MTMR12: variants seen among roughly 807,000 people sequenced by gnomAD.
MTMR12 encodes the protein myotubularin-related protein 12.
MTMR12 carries 33 observed loss-of-function variants against 96.7 expected under a neutral mutation model. The ratio of observed to expected loss-of-function variants is 0.34; its 90% CI spans 0.26 to 0.46. The LOEUF (loss-of-function observed/expected upper bound fraction) is 0.46. Ranked by LOEUF, MTMR12 falls within the 20% of genes least tolerant of loss-of-function variation. MTMR12 has a pLI of 1.00. For missense variants in MTMR12, 721 were observed against 896.1 expected (o/e 0.80, Z 2.49); for synonymous variants, 298 against 327.2 (o/e 0.91, Z 0.96).
chr5:32,251,751 C>A (rs929784970), intron 8 of MTMR12, among the ~76,000 whole-genome samples: 3 of 152,228 alleles, frequency 2.0e-5, no homozygotes, highest in Non-Finnish European at 2.9e-5. Flanking sequence ...AGGGAAGGCC[C>A]ATGGAACGGG....
At chr5:32,309,244 G>A (rs1000569169) in intron 1 of MTMR12, among the ~76,000 whole-genome samples, 6 of 152,200 alleles carry the variant, frequency 3.9e-5, no homozygotes, top group Non-Finnish European at 7.3e-5. Flanking sequence ...CTTTCCACTT[G>A]TAGTTTAATT....
intron 1 of MTMR12, among the ~76,000 whole-genome samples, chr5:32,281,571 T>C (rs1357702113): frequency 6.6e-6 from 1 of 152,170 alleles, no homozygotes; most frequent in East Asian, 1.9e-4. Flanking sequence ...TTGAACCCTC[T>C]GCAAGACCAA....
At chr5:32,252,402 T>C (rs771590935) in intron 8 of MTMR12, among the ~76,000 whole-genome samples, 7 of 152,242 alleles carry the variant, frequency 4.6e-5, no homozygotes, top group African/African-American at 7.2e-5. Flanking sequence ...AAATGAAAGA[T>C]TGACTGTTCA....
At chr5:32,242,555 G>C (rs1748520045) in intron 11 of MTMR12, among the ~76,000 whole-genome samples, 1 of 151,888 alleles carries the variant, frequency 6.6e-6, no homozygotes, top group Admixed American at 6.6e-5. Context: ...AATCCTTTTT[G>C]TCTCTCTCTA....
At position 32,239,057 on chromosome 5, in the gene MTMR12, C is replaced by T; in HGVS notation, c.1288G>A (p.Gly430Ser). 2 of 1,610,802 alleles carry T rather than the reference C, an allele frequency of 1.2e-6. No individual in the cohort carries two copies. Among genetic ancestry groups the T allele is most frequent in the South Asian group, 2.2e-5 (2 of 89,798 alleles). ...QSLIQKEWVMGGHCFLDRCNH... is the reference protein window; with the variant it reads ...QSLIQKEWVMSGHCFLDRCNH... The stretch of plus-strand genomic sequence containing the variant: ...CAGCGATCCAAGAAACAGTGGCCAC[C>T]CATGACCCACTCCTTTTGGATGAGG... Residue 430 changes from glycine to serine, a missense_variant, in exon 13 of 16, where the codon GGT (glycine) becomes AGT (serine). Transcript: ENST00000382142.
At chr5:32,264,320 C>A (rs1749504416) in intron 6 of MTMR12, among the ~76,000 whole-genome samples, 1 of 152,148 alleles carries the variant, frequency 6.6e-6, no homozygotes, top group Non-Finnish European at 1.5e-5. Flanking sequence ...AAAACCAAGC[C>A]TTCTGGGAAA....
At chr5:32,260,966 C>T (rs955315816) in intron 7 of MTMR12, among the ~76,000 whole-genome samples, 3 of 151,730 alleles carry the variant, frequency 2.0e-5, no homozygotes, top group African/African-American at 7.3e-5. Context: ...GGCGCAGTGG[C>T]TCACGCGTGT....
intron 1 of MTMR12, among the ~76,000 whole-genome samples, chr5:32,302,437 G>A (rs1273681469): frequency 6.6e-6 from 1 of 152,084 alleles, no homozygotes; most frequent in Non-Finnish European, 1.5e-5. Context: ...AGGAAAGAGG[G>A]GCTGGGTACG....
chr5:32,262,554 C>A (rs565167278), intron 7 of MTMR12, among the ~76,000 whole-genome samples: 1 of 152,256 alleles, frequency 6.6e-6, no homozygotes, highest in South Asian at 2.1e-4. Context: ...GCCGAGATGG[C>A]ACCACTGCAC....
chr5:32,273,061 G>A (rs1749900601), intron 3 of MTMR12, among the ~76,000 whole-genome samples: 2 of 152,106 alleles, frequency 1.3e-5, no homozygotes, highest in Admixed American at 1.3e-4. Context: ...CATTCTTCAT[G>A]AATAGGAACA....
chr5:32,310,131 G>A (rs1173373419), intron 1 of MTMR12, among the ~76,000 whole-genome samples: 1 of 152,156 alleles, frequency 6.6e-6, no homozygotes, highest in East Asian at 1.9e-4. Context: ...CCTGGGCAAA[G>A]ACAGCAAGAC....
chr5:32,284,891 A>G (rs1332874670), intron 1 of MTMR12, among the ~76,000 whole-genome samples: 2 of 152,192 alleles, frequency 1.3e-5, no homozygotes, highest in Non-Finnish European at 2.9e-5. Flanking sequence ...CAACAAATGC[A>G]TCAGTTAAAA....
At chr5:32,305,695 G>C (rs1005195237) in intron 1 of MTMR12, among the ~76,000 whole-genome samples, 2 of 152,106 alleles carry the variant, frequency 1.3e-5, no homozygotes, top group African/African-American at 4.8e-5. Context: ...CCTGAGGTTG[G>C]GAGTTCGAGA....
intron 1 of MTMR12, among the ~76,000 whole-genome samples, chr5:32,279,877 CCA>C (rs1209726497): frequency 2.6e-5 from 4 of 152,218 alleles, no homozygotes; most frequent in Non-Finnish European, 4.4e-5. Flanking sequence ...GCCACTGATC[CCA>C]CAGGAGGTGG....
chr5:32,248,848 C>T lies in MTMR12; in HGVS notation c.820G>A (p.Ala274Thr). The stretch of plus-strand genomic sequence containing the variant: ...GGCAGTGCTGACATTTTCAAAAGGG[C>T]ACTTCCATTGTGGCAGGACCAACAC... ...IWCWSCHNGS[A>T]LLKMSALPKE... Residue 274 changes from alanine to threonine, a missense_variant, in exon 9 of 16, where the codon GCC becomes ACC. Transcript: ENST00000382142. 5 of 1,614,132 alleles carry T rather than the reference C, an allele frequency of 3.1e-6. No individual in the cohort carries two copies. Among genetic ancestry groups the T allele is most frequent in the Non-Finnish European group, 4.2e-6 (5 of 1,179,982 alleles).
In MTMR12 at chr5:32,229,608, T is replaced by C. The variant is rs2111967826; in HGVS notation, c.*170A>G. The C allele has an allele frequency of 1.9e-6, 1 of 528,630 alleles. No homozygotes were observed. Among genetic ancestry groups the C allele is most frequent in the South Asian group, 5.3e-5 (1 of 18,748 alleles). The allele number at this position is 528,630 out of a possible 1,614,324, so 32.7% of individuals were successfully genotyped here. A position where few individuals can be genotyped will look rare whatever the true frequency, so the allele number is the denominator to read the frequency against. On this transcript the variant is annotated 3_prime_UTR_variant, in exon 16 of 16. Coordinates refer to ENST00000382142, the MANE Select transcript of MTMR12 (RefSeq NM_001040446.3). ...ATGCGGTTTTAATTGCATAGTCTTT[T>C]AGAATCATGAAAAATAATGAGAGCC...
Position 32,243,538 on chromosome 5 carries a change from G to C in MTMR12, c.1083C>G (p.Ser361Arg), listed in dbSNP as rs1363644033. ...TGAAATACCTGATTATGTCAAGCCA[G>C]CTGCTACTTTCCAACAGAGAAAACC... is the stretch of plus-strand genomic sequence containing the variant. ...IKWFSLLESS[S>R]WLDIIRRCLK... The change falls in exon 11 of 16, where the codon AGC becomes AGG. Residue 361 changes from serine to arginine, a missense_variant. By Grantham distance (110) the Ser-to-Arg change is moderately radical. Coordinates refer to ENST00000382142, the MANE Select transcript of MTMR12 (RefSeq NM_001040446.3). 1 of 1,611,526 alleles carries C rather than the reference G, an allele frequency of 6.2e-7. No homozygotes were observed. Among genetic ancestry groups the C allele is most frequent in the Non-Finnish European group, 8.5e-7 (1 of 1,177,966 alleles).
chr5:32,290,585 G>C (rs574837707), intron 1 of MTMR12, among the ~76,000 whole-genome samples: 2 of 152,320 alleles, frequency 1.3e-5, no homozygotes, highest in East Asian at 3.9e-4. Flanking sequence ...GTTTGAGTGT[G>C]TTACTCCAGC....
chr5:32,285,265 G>A (rs1750486635), intron 1 of MTMR12, among the ~76,000 whole-genome samples: 1 of 151,842 alleles, frequency 6.6e-6, no homozygotes, highest in Admixed American at 6.6e-5. Flanking sequence ...GGCTGAGGCA[G>A]GAGAATTCCT....
Sources: allele counts gnomAD v4.1 joint callset (sites outside exome capture counted in the v4.1 genomes callset), GRCh38; gene constraint gnomAD v4.1.1; transcripts MANE v1.5; gene names NCBI Gene and HGNC (gene_info 2026-07-23, HGNC 2026-07-21).